SPG7: variants seen among roughly 807,000 people sequenced by gnomAD.
SPG7 encodes the protein SPG7 matrix AAA peptidase subunit, paraplegin.
SPG7 carries 103 observed loss-of-function variants against 81.9 expected under a neutral mutation model. That is an observed-to-expected ratio of 1.26 (90% CI 1.07 to 1.48). SPG7 has a LOEUF of 1.48. SPG7 is among the 40% of genes most tolerant of loss of function. The probability of loss-of-function intolerance (pLI) is 0.00; values close to 1 mark genes in which losing one functional copy is unlikely to be tolerated. For missense variants in SPG7, 1,241 were observed against 1,087.3 expected, an observed-to-expected ratio of 1.14 and a Z score of -1.99; for synonymous variants, 534 against 444.2, an observed-to-expected ratio of 1.20 and a Z score of -2.54.
intron 1 of SPG7, chr16:89,509,099 TG>T: frequency 5.0e-6 from 2 of 399,628 alleles, no homozygotes; most frequent in South Asian, 3.6e-5. Flanking sequence ...ATACAGTCAT[TG>T]AGCACCCCCT....
rs1169244304 is a variant in SPG7, at chr16:89,537,557, G to C, written c.1324+4921G>C. ...CGACTTTTTTTTTCTTCAGAGACAGGGTGTCGTTCTGTCGCCCAGGCTGGA... is the reference window on the plus strand; with the variant it reads ...CGACTTTTTTTTTCTTCAGAGACAGCGTGTCGTTCTGTCGCCCAGGCTGGA... On this transcript the variant is annotated intron_variant, in intron 9 of 16. Transcript: ENST00000645818. 4 of 991,514 alleles carry C rather than the reference G, an allele frequency of 4.0e-6. No homozygotes were observed. The African/African-American group carries it at 5.2e-5, about 13-fold the overall frequency. The allele number at this position is 991,514 out of a possible 1,614,324, so 61.4% of individuals were successfully genotyped here. A position where few individuals can be genotyped will look rare whatever the true frequency, so the allele number is the denominator to read the frequency against.
chr16:89,556,588 C>T (rs2058689299), intron 16 of SPG7: 2 of 436,346 alleles, frequency 4.6e-6, no homozygotes, highest in East Asian at 9.8e-5. Context: ...CCATCTCCTT[C>T]CCTGTAGACA....
At chr16:89,512,365 G>C (rs2042913889) in intron 2 of SPG7, among the ~76,000 whole-genome samples, 1 of 152,010 alleles carries the variant, frequency 6.6e-6, no homozygotes, top group Non-Finnish European at 1.5e-5. Flanking sequence ...AACCAGGCTG[G>C]AGTGCAGTGG....
chr16:89,553,072 C>T lies in SPG7; in HGVS notation c.1873C>T (p.Arg625Trp), dbSNP rs762517145. The T allele has an allele frequency of 5.0e-6, 8 of 1,613,738 alleles. No homozygotes were observed. The highest frequency in any genetic ancestry group is 2.2e-5 in the East Asian group (1 of 44,874). Reference sequence around the variant, plus strand: ...CTTCACCAAGGAGCAGCTGTTTGAGCGGATGTGCATGGCCCTGGGAGGACG... The same window carrying T: ...CTTCACCAAGGAGCAGCTGTTTGAGTGGATGTGCATGGCCCTGGGAGGACG... ...HLFTKEQLFE[R>W]MCMALGGRAS... The change falls in exon 14 of 17, where the codon CGG (arginine) becomes TGG (tryptophan). Residue 625 changes from arginine (R) to tryptophan (W), a missense_variant. Physicochemically the swap from Arg to Trp is moderately radical, Grantham distance 101 (BLOSUM62 -3). Transcript: ENST00000645818.
intron 9 of SPG7, chr16:89,539,126 A>T (rs2058465178): frequency 6.6e-6 from 1 of 152,204 alleles, no homozygotes; most frequent in African/African-American, 2.4e-5. Flanking sequence ...CATGTGGTTT[A>T]CGCACTCTAT....
chr16:89,511,411 T>A (rs79159603), intron 2 of SPG7, among the ~76,000 whole-genome samples: 2,023 of 152,296 alleles, frequency 0.013, 61 homozygotes, highest in East Asian at 0.064. Context: ...TATTTCACGC[T>A]CCCCTTTATG....
chr16:89,523,491 C>G, intron 3 of SPG7: 1 of 346,040 alleles, frequency 2.9e-6, no homozygotes, highest in Non-Finnish European at 5.7e-6. Context: ...AGTATTTGAT[C>G]AAACTCCAAG....
chr16:89,540,653 T>G (rs2058482429), intron 9 of SPG7: 1 of 154,288 alleles, frequency 6.5e-6, no homozygotes, highest in Non-Finnish European at 1.4e-5. Flanking sequence ...AGAAACCAGA[T>G]CCCTTGTACG....
chr16:89,554,783 C>T lies in SPG7; in HGVS notation c.2181+220C>T, dbSNP rs2058670434. 1.2e-5 allele frequency: 7 copies of T among 571,674 alleles called. No individual in the cohort carries two copies. The South Asian group carries it at 1.3e-4, about 11-fold the overall frequency. The allele number at this position is 571,674 out of a possible 1,614,324, so 35.4% of individuals were successfully genotyped here. Reference sequence around the variant, plus strand: ...CCCCGAGGTAGAAAGAAGGCTGCCACAGTCTCCTGTGCCTCTTCCTGCCAT... The same window carrying T: ...CCCCGAGGTAGAAAGAAGGCTGCCATAGTCTCCTGTGCCTCTTCCTGCCAT... On this transcript the variant is annotated intron_variant, in intron 16 of 16. Transcript: ENST00000645818.
chr16:89,532,776 A>AG (rs1322748254), intron 9 of SPG7, 140 bp downstream of exon 9: 6 of 997,560 alleles, frequency 6.0e-6, no homozygotes, highest in Admixed American at 2.1e-5. Context: ...TCTCAAGAAA[A>AG]AAAAAAAATA....
chr16:89,529,327 C>A (rs998375308), intron 5 of SPG7, 150 bp from the exon 6 acceptor site: 1 of 682,560 alleles, frequency 1.5e-6, no homozygotes, highest in African/African-American at 1.8e-5. Context: ...GAACCCATTT[C>A]CACAACCATT....
intron 9 of SPG7, among the ~76,000 whole-genome samples, chr16:89,534,875 C>T (rs1057275211): frequency 1.1e-4 from 17 of 152,210 alleles, no homozygotes; most frequent in African/African-American, 4.1e-4. Context: ...TGTTTGGTCT[C>T]CTTGGTCTCT....
At chr16:89,538,315 G>A (rs1441643505) in intron 9 of SPG7, 2 of 152,210 alleles carry the variant, frequency 1.3e-5, no homozygotes, top group Non-Finnish European at 2.9e-5. Flanking sequence ...ACTCCATGTG[G>A]AAGTCCTGTT....
chr16:89,557,062 T>C lies in SPG7; in HGVS notation c.2357T>C (p.Leu786Pro). The stretch of plus-strand genomic sequence containing the variant: ...ACCGAAGAGACCCAGCAGCCTCCAC[T>C]TGGAGGCGAAGAGCCGACTTGGCCC... ...EETEETQQPP[L>P]GGEEPTWPK The change falls in exon 17 of 17, where the codon CTT becomes CCT. Residue 786 changes from leucine (L) to proline (P), a missense_variant. Coordinates refer to ENST00000645818, the MANE Select transcript of SPG7 (RefSeq NM_003119.4). 6.2e-7 allele frequency: 1 copy of C among 1,612,050 alleles called. No individual in the cohort carries two copies. Among genetic ancestry groups the C allele is most frequent in the African/African-American group, 1.3e-5 (1 of 74,978 alleles).
chr16:89,546,630 A>G (rs898334611), intron 10 of SPG7, 28 bp from the exon 11 acceptor site: 5 of 1,498,048 alleles, frequency 3.3e-6, no homozygotes, highest in African/African-American at 2.8e-5. Context: ...CTTGAGCCCG[A>G]CTGTCTTTCC....
At chr16:89,542,622 T>C (rs535565012) in intron 9 of SPG7, among the ~76,000 whole-genome samples, 1 of 152,298 alleles carries the variant, frequency 6.6e-6, no homozygotes, top group South Asian at 2.1e-4. Context: ...GGGTGTGTCT[T>C]GGACTGAGCT....
intron 1 of SPG7, chr16:89,509,084 TATTGATACAGTC>T (rs2057975811): frequency 2.5e-6 from 1 of 406,448 alleles, no homozygotes; most frequent in Non-Finnish European, 5.0e-6. Flanking sequence ...CTCGGCACGT[TATTGATACAGTC>T]ATTGAGCACC....
intron 9 of SPG7, chr16:89,541,935 A>G (rs2058501299): frequency 6.7e-6 from 1 of 149,910 alleles, no homozygotes; most frequent in African/African-American, 2.5e-5. Context: ...CCACCCTGAT[A>G]CATAGCGGCC....
chr16:89,544,762 C>A lies in SPG7; in HGVS notation c.1439C>A (p.Pro480His). 1 of 1,614,070 alleles carries A rather than the reference C, an allele frequency of 6.2e-7. No individual in the cohort carries two copies. Among genetic ancestry groups the A allele is most frequent in the South Asian group, 1.1e-5 (1 of 91,082 alleles). Residue 480 changes from proline (P) to histidine (H), a missense_variant, in exon 10 of 17, where the codon CCC (proline) becomes CAC (histidine). Transcript: ENST00000645818. ...GACCGGCACGTCTTCATTGATCTCC[C>A]CACGCTGCAGGTCAGAGCCAGGATC... ...RLDRHVFIDL[P>H]TLQERREIFE...
Sources: gnomAD v4.1 joint callset for allele counts (sites outside exome capture counted in the v4.1 genomes callset) on GRCh38, gnomAD v4.1.1 for gene constraint, MANE v1.5 for transcripts, NCBI Gene and HGNC (gene_info 2026-07-23, HGNC 2026-07-21) for gene names.